The following SFMBT2 variants were observed in gnomAD, a reference collection of about 807,000 sequenced individuals.
SFMBT2 encodes the protein Scm like with four mbt domains 2.
A neutral mutation model predicts 110.1 loss-of-function variants in SFMBT2; 38 were observed. That is an observed-to-expected ratio of 0.35 (90% CI 0.27 to 0.45). The LOEUF is 0.45. Among genes scored for constraint, SFMBT2 ranks in the 20% least tolerant of loss-of-function variants. The pLI is 1.00. For synonymous variants in SFMBT2, 425 were observed against 425.4 expected (o/e 1.00, Z 0.01); for missense variants, 1,011 against 1,094.9 (o/e 0.92, Z 1.08).
At chr10:7,297,582 G>A (rs1467470918) in intron 4 of SFMBT2, among the ~76,000 whole-genome samples, 1 of 152,138 alleles carries the variant, frequency 6.6e-6, no homozygotes, top group Admixed American at 6.5e-5. Context: ...AGGCCATCAC[G>A]GGTGGGGGTA....
intron 17 of SFMBT2, among the ~76,000 whole-genome samples, chr10:7,173,706 C>T (rs995578397): frequency 1.3e-5 from 2 of 152,212 alleles, no homozygotes; most frequent in African/African-American, 4.8e-5. Flanking sequence ...GACGCCTACT[C>T]ATTAATAAAA....
chr10:7,260,313 A>G (rs1360195208), intron 7 of SFMBT2, among the ~76,000 whole-genome samples: 1 of 152,204 alleles, frequency 6.6e-6, no homozygotes, highest in African/African-American at 2.4e-5. Flanking sequence ...TATCTCACAC[A>G]GCAAAGGGGT....
intron 7 of SFMBT2, among the ~76,000 whole-genome samples, chr10:7,251,061 A>G (rs1383815131): frequency 1.3e-5 from 2 of 152,208 alleles, no homozygotes; most frequent in African/African-American, 4.8e-5. Context: ...TTAAGGTGAT[A>G]TGTATCTCAA....
intron 7 of SFMBT2, among the ~76,000 whole-genome samples, chr10:7,258,349 TG>T (rs1463757159): frequency 6.6e-6 from 1 of 152,200 alleles, no homozygotes; most frequent in Non-Finnish European, 1.5e-5. Context: ...TCGGCTTATT[TG>T]GATATAAAAT....
chr10:7,319,762 GAGAGAGAC>G (rs1843117110), intron 4 of SFMBT2, among the ~76,000 whole-genome samples: 1 of 136,010 alleles, frequency 7.4e-6, no homozygotes, highest in African/African-American at 2.9e-5. Flanking sequence ...GAGAGAGACA[GAGAGAGAC>G]ACAGAGAGAG....
rs560348956 is a variant in SFMBT2 at position 7,371,904 on chromosome 10, T to C, written c.101-1529A>G. ...GCCTTCTTCTGGAGACTATCACTAC[T>C]TTTTGTCCACCTGTAATTTTTTTTT... On this transcript the variant is annotated intron_variant, in intron 2 of 20. Transcript: ENST00000397167. Among the ~76,000 whole-genome samples, 15 of 151,618 alleles carry C rather than the reference T, an allele frequency of 9.9e-5. No individual in the cohort carries two copies. In the East Asian group the frequency reaches 2.9e-3, roughly 29 times the overall value.
At chr10:7,312,578 C>A (rs2131906341) in intron 4 of SFMBT2, among the ~76,000 whole-genome samples, 1 of 152,178 alleles carries the variant, frequency 6.6e-6, no homozygotes, top group East Asian at 1.9e-4. Flanking sequence ...ATGTTTCACC[C>A]ACTCACAGGG....
At position 7,171,882 on chromosome 10, in the gene SFMBT2, GC is replaced by G; in HGVS notation, c.2415+12del. On this transcript the variant is annotated intron_variant, in intron 19 of 20. Coordinates refer to ENST00000397167, the MANE Select transcript of SFMBT2 (RefSeq NM_001387889.1). The surrounding 1 kb of genome is among the most constrained non-coding windows in gnomAD (Gnocchi z 4.9). ...CCAGCGGGAAGCCCTCTGTCCCCAC[GC>G]CCGGGCATCACCTCTGTCCCCTCGG... is the stretch of plus-strand genomic sequence containing the variant. 7.1e-7 allele frequency: 1 copy of G among 1,409,236 alleles called. No homozygotes were observed. 87.3% of individuals were successfully genotyped at this position (1,409,236 alleles called of 1,614,324 possible). A position where few individuals can be genotyped will look rare whatever the true frequency, so the allele number is the denominator to read the frequency against.
chr10:7,312,738 G>C (rs1206158847), intron 4 of SFMBT2, among the ~76,000 whole-genome samples: 1 of 152,028 alleles, frequency 6.6e-6, no homozygotes, highest in Non-Finnish European at 1.5e-5. Flanking sequence ...GAATCACAAT[G>C]GTGTTTACTG....
chr10:7,228,326 T>C, intron 9 of SFMBT2: 2 of 768,306 alleles, frequency 2.6e-6, no homozygotes. Context: ...GGGAGCTTAC[T>C]TTTCGGTGTC....
chr10:7,236,800 T>C (rs958251277), intron 9 of SFMBT2, among the ~76,000 whole-genome samples: 1 of 152,122 alleles, frequency 6.6e-6, no homozygotes, highest in Non-Finnish European at 1.5e-5. Flanking sequence ...TACTTCAATA[T>C]GCCATTAAAA....
intron 4 of SFMBT2, among the ~76,000 whole-genome samples, chr10:7,314,461 C>A (rs1201801570): frequency 1.3e-5 from 2 of 152,206 alleles, no homozygotes; most frequent in Non-Finnish European, 2.9e-5. Context: ...GAAGAATGAA[C>A]AAGCACTACC....
intron 4 of SFMBT2, among the ~76,000 whole-genome samples, chr10:7,322,370 T>C (rs1843219436): frequency 6.6e-6 from 1 of 152,154 alleles, no homozygotes; most frequent in East Asian, 1.9e-4. Flanking sequence ...CCGTCTTGGA[T>C]ATTTCTTCAT....
intron 4 of SFMBT2, among the ~76,000 whole-genome samples, chr10:7,332,292 T>C (rs1006334229): frequency 2.6e-5 from 4 of 152,174 alleles, no homozygotes; most frequent in African/African-American, 9.7e-5. Context: ...AGCATCTAAA[T>C]CTACATCCAA....
chr10:7,233,969 T>C (rs1171776707), intron 9 of SFMBT2, among the ~76,000 whole-genome samples: 1 of 152,208 alleles, frequency 6.6e-6, no homozygotes, highest in African/African-American at 2.4e-5. Flanking sequence ...ACAAAGGAGT[T>C]TGTGTACATT....
intron 20 of SFMBT2, among the ~76,000 whole-genome samples, chr10:7,166,617 A>C (rs918522320): frequency 1.3e-5 from 2 of 152,234 alleles, no homozygotes; most frequent in Admixed American, 6.5e-5. Context: ...GCAGACAAGT[A>C]AACAGACTAT....
chr10:7,379,046 G>A (rs1220820024), intron 2 of SFMBT2, among the ~76,000 whole-genome samples: 1 of 152,060 alleles, frequency 6.6e-6, no homozygotes, highest in African/African-American at 2.4e-5. Flanking sequence ...TATGCCAGTG[G>A]GCTGTTGAAT....
intron 2 of SFMBT2, among the ~76,000 whole-genome samples, chr10:7,372,061 G>A (rs371610336): frequency 1.2e-4 from 18 of 151,222 alleles, no homozygotes; most frequent in African/African-American, 4.4e-4. Context: ...TGAGTAGCTG[G>A]GATTACAGGC....
chr10:7,364,962 G>C (rs1193853235), intron 4 of SFMBT2, among the ~76,000 whole-genome samples: 1 of 152,220 alleles, frequency 6.6e-6, no homozygotes, highest in Non-Finnish European at 1.5e-5. Flanking sequence ...CGACGGATCA[G>C]AAATCATAGG....
Sources: gnomAD v4.1 joint callset for allele counts (sites outside exome capture counted in the v4.1 genomes callset) on GRCh38, gnomAD v4.1.1 for gene constraint, Gnocchi (gnomAD v3.1) non-coding constraint, MANE v1.5 for transcripts, NCBI Gene and HGNC (gene_info 2026-07-23, HGNC 2026-07-21) for gene names.